The following PRRC2B variants were observed in gnomAD, a reference collection of about 807,000 sequenced individuals.
PRRC2B encodes protein PRRC2B.
PRRC2B carries 68 observed loss-of-function variants against 242.3 expected under a neutral mutation model. The ratio of observed to expected loss-of-function variants is 0.28; its 90% CI spans 0.23 to 0.34. The LOEUF (loss-of-function observed/expected upper bound fraction) is 0.34, where lower values mean the gene tolerates loss of function less well. Ranked by LOEUF, PRRC2B falls within the 10% of genes least tolerant of loss-of-function variation. PRRC2B has a pLI of 1.00. For missense variants in PRRC2B, 2,835 were observed against 2,954.8 expected, an observed-to-expected ratio of 0.96 and a Z score of 0.94; for synonymous variants, 1,228 against 1,173.6, an observed-to-expected ratio of 1.05 and a Z score of -0.95.
At chr9:131,402,168 C>T (rs894816538) in intron 1 of PRRC2B, among the ~76,000 whole-genome samples, 2 of 152,184 alleles carry the variant, frequency 1.3e-5, no homozygotes, top group Admixed American at 1.3e-4. Flanking sequence ...GTTGGCCAGG[C>T]TGGTCTCGAA....
chr9:131,443,209 C>T lies in PRRC2B; in HGVS notation c.470-976C>T, dbSNP rs1377253994. ...AGTGCATTGGCACGATCTCGGCTCACTGCAAGCTCCATCTCCTGGGTTCAC... is the reference window on the plus strand; with the variant it reads ...AGTGCATTGGCACGATCTCGGCTCATTGCAAGCTCCATCTCCTGGGTTCAC... On this transcript the variant is annotated intron_variant, in intron 5 of 31. Coordinates refer to ENST00000683519, the MANE Select transcript of PRRC2B (RefSeq NM_013318.4). Among the ~76,000 whole-genome samples the T allele has an allele frequency of 2.0e-5, 3 of 151,592 alleles. No individual in the cohort carries two copies. The East Asian group carries it at 5.8e-4, about 29-fold the overall frequency.
intron 1 of PRRC2B, among the ~76,000 whole-genome samples, chr9:131,405,843 A>G (rs2994038): frequency 0.94 from 142,980 of 152,218 alleles, 67,547 homozygotes; most frequent in East Asian, 1. Flanking sequence ...CCACACTGGA[A>G]GCCCTGCTTT....
chr9:131,432,890 C>T (rs1265175692), intron 3 of PRRC2B, 96 bp downstream of exon 3: 2 of 1,257,708 alleles, frequency 1.6e-6, no homozygotes, highest in Non-Finnish European at 2.2e-6. Context: ...CCTTTGGCTA[C>T]TGCAGCGCTA....
rs1838473683 is a variant in PRRC2B at position 131,439,170 on chromosome 9, C to A, written c.469+109C>A. 3.4e-6 allele frequency: 3 copies of A among 874,692 alleles called. No homozygotes were observed. The South Asian group carries it at 4.4e-5, about 13-fold the overall frequency. 54.2% of individuals were successfully genotyped at this position (874,692 alleles called of 1,614,324 possible). On this transcript the variant is annotated intron_variant, in intron 5 of 31. Transcript: ENST00000683519. ...GGCACCCAGAAGCTTTGAGGACTCT[C>A]TTCCACAAAGAGGTACCGTCTATGG...
intron 2 of PRRC2B, 24 bp downstream of exon 2, chr9:131,430,283 G>C (rs1838096286): frequency 2.8e-6 from 4 of 1,432,462 alleles, no homozygotes; most frequent in Non-Finnish European, 3.9e-6. Context: ...TTGAAGGCCA[G>C]TTCCTCAAAC....
chr9:131,439,981 A>G (rs1260393078), intron 5 of PRRC2B, among the ~76,000 whole-genome samples: 1 of 151,992 alleles, frequency 6.6e-6, no homozygotes, highest in African/African-American at 2.4e-5. Flanking sequence ...TCCTAGGCTC[A>G]AGAGATCCTC....
At chr9:131,409,747 T>C (rs901920805) in intron 1 of PRRC2B, among the ~76,000 whole-genome samples, 1 of 152,194 alleles carries the variant, frequency 6.6e-6, no homozygotes, top group Non-Finnish European at 1.5e-5. Flanking sequence ...CCCCAGTGGT[T>C]ACTGTGAATT....
At chr9:131,408,450 G>A (rs1417949005) in intron 1 of PRRC2B, among the ~76,000 whole-genome samples, 1 of 152,214 alleles carries the variant, frequency 6.6e-6, no homozygotes, top group Non-Finnish European at 1.5e-5. Context: ...GGAATGCTGT[G>A]TAGGCATTAA....
At position 131,441,159 on chromosome 9, in the gene PRRC2B, T is replaced by C. The variant is rs76048066; in HGVS notation, c.469+2098T>C. ...AAATACACTTCTAAAAAATGTTGTATATGCATGTTTTAAAAGCCACCCATC... is the reference window on the plus strand; with the variant it reads ...AAATACACTTCTAAAAAATGTTGTACATGCATGTTTTAAAAGCCACCCATC... On this transcript the variant is annotated intron_variant, in intron 5 of 31. Coordinates refer to ENST00000683519, the MANE Select transcript of PRRC2B (RefSeq NM_013318.4). Among the ~76,000 whole-genome samples the C allele has an allele frequency of 9.4e-3, 1,434 of 152,280 alleles. 29 individuals are homozygous for C. The highest frequency in any genetic ancestry group is 0.033 in the African/African-American group (1,356 of 41,552).
At chr9:131,385,918 C>T (rs962357650) in intron 1 of PRRC2B, among the ~76,000 whole-genome samples, 2 of 150,330 alleles carry the variant, frequency 1.3e-5, no homozygotes, top group African/African-American at 4.9e-5. Flanking sequence ...TGGTCTCAAT[C>T]TCCTGACCTC....
At chr9:131,476,768 C>CT (rs1943715303) in intron 16 of PRRC2B, among the ~76,000 whole-genome samples, 2 of 150,760 alleles carry the variant, frequency 1.3e-5, no homozygotes, top group East Asian at 2.0e-4. Flanking sequence ...CTTGAGGCCA[C>CT]TGTCCAGCAC....
rs1838889562 is a variant in PRRC2B at position 131,448,546 on chromosome 9, A to AAAAAAAAAAAAAAAAAC, written c.1120+758_1120+759insCAAAAAAAAAAAAAAAA. ...GCGACAGAGGGAGACACTGTCTCAA[A>AAAAAAAAAAAAAAAAAC]AAAAAAAAAAAAAAAAAAAAAAAAG... On this transcript the variant is annotated intron_variant, in intron 9 of 31. Transcript: ENST00000683519. 6.9e-5 allele frequency among the ~76,000 whole-genome samples: 7 copies of AAAAAAAAAAAAAAAAAC among 101,994 alleles called. 1 individual carries two copies. Among genetic ancestry groups the AAAAAAAAAAAAAAAAAC allele is most frequent in the Admixed American group, 1.1e-4 (1 of 8,778 alleles). The allele number at this position is 101,994 out of a possible 152,430, so 66.9% of individuals were successfully genotyped here.
At chr9:131,436,821 G>A in intron 4 of PRRC2B, 99 bp downstream of exon 4, 1 of 963,596 alleles carries the variant, frequency 1.0e-6, no homozygotes, top group Non-Finnish European at 1.6e-6. Flanking sequence ...GAGAAGTGTG[G>A]TTGTGCATGA....
At chr9:131,401,960 C>A (rs1457855991) in intron 1 of PRRC2B, among the ~76,000 whole-genome samples, 1 of 151,114 alleles carries the variant, frequency 6.6e-6, no homozygotes, top group Non-Finnish European at 1.5e-5. Context: ...TGTGCTTGGT[C>A]TAATTTTTGT....
intron 2 of PRRC2B, among the ~76,000 whole-genome samples, chr9:131,430,509 CTATA>C (rs1300945443): frequency 1.7e-5 from 1 of 57,652 alleles, no homozygotes; most frequent in African/African-American, 4.7e-5. Flanking sequence ...CTATAGATAT[CTATA>C]GATAGATAGA....
chr9:131,398,220 C>T (rs921997906), intron 1 of PRRC2B, among the ~76,000 whole-genome samples: 7 of 152,206 alleles, frequency 4.6e-5, no homozygotes, highest in African/African-American at 7.2e-5. Flanking sequence ...ACTGTTTATA[C>T]CTCTGGGTGG....
rs1024530656 is a variant in PRRC2B at position 131,428,758 on chromosome 9, G to A, written c.-51-1336G>A. ...TGACCAGGCTGGTCTCAAACTCCTG[G>A]CTTCAAGCAGTCCTCCCACCTCAGC... On this transcript the variant is annotated intron_variant, in intron 1 of 31. Coordinates refer to ENST00000683519, the MANE Select transcript of PRRC2B (RefSeq NM_013318.4). Among the ~76,000 whole-genome samples, 4 of 152,044 alleles carry A rather than the reference G, an allele frequency of 2.6e-5. No homozygotes were observed. The East Asian group carries it at 7.7e-4, about 29-fold the overall frequency.
Position 131,447,757 on chromosome 9 carries a change from T to C in PRRC2B, c.1073T>C (p.Leu358Pro). The change falls in exon 9 of 32, where the codon CTG becomes CCG. Residue 358 changes from leucine (L) to proline (P), a missense_variant. Around this residue, in one of 7 missense-constraint regions of PRRC2B, gnomAD observed 626 missense variants for 685.5 expected, o/e 0.91. Coordinates refer to ENST00000683519, the MANE Select transcript of PRRC2B (RefSeq NM_013318.4). ...CCCACCATTATCAATGCGGAAAACC[T>C]GAAGGGCCTTGACGATCTGGACGCC... Reference protein sequence around the residue: ...PRPTIINAENLKGLDDLDADA... With the variant: ...PRPTIINAENPKGLDDLDADA... 1 of 1,613,826 alleles carries C rather than the reference T, an allele frequency of 6.2e-7. No individual in the cohort carries two copies. Among genetic ancestry groups the C allele is most frequent in the Non-Finnish European group, 8.5e-7 (1 of 1,179,778 alleles).
chr9:131,486,384 GCTGCTCCAGACT>G, intron 26 of PRRC2B: 6 of 626,922 alleles, frequency 9.6e-6, no homozygotes, highest in Non-Finnish European at 1.2e-5. Flanking sequence ...AGTGGAGTTG[GCTGCTCCAGACT>G]CTGCTTAGTT....
Sources: allele counts gnomAD v4.1 joint callset (sites outside exome capture counted in the v4.1 genomes callset), GRCh38; gene constraint gnomAD v4.1.1; regional missense constraint gnomAD v4.1.1; transcripts MANE v1.5; gene names NCBI Gene and HGNC (gene_info 2026-07-23, HGNC 2026-07-21).